The following ADK variants were observed in gnomAD, a reference collection of about 807,000 sequenced individuals.
The protein encoded by ADK is N6,N6-dimethyladenosine kinase.
ADK carries 24 observed loss-of-function variants against 44.7 expected under a neutral mutation model. The ratio of observed to expected loss-of-function variants is 0.54; its 90% confidence interval spans 0.39 to 0.76. ADK has a LOEUF of 0.76. Ranked by LOEUF, ADK falls within the 30% of genes least tolerant of loss-of-function variation. The pLI, the probability that ADK is intolerant of heterozygous loss-of-function variation, is 0.00. For missense variants in ADK, 321 were observed against 425.1 expected (o/e 0.76, Z 2.15); for synonymous variants, 128 against 142.6 (o/e 0.90, Z 0.73).
intron 6 of ADK, among the ~76,000 whole-genome samples, chr10:74,483,462 T>G (rs1847147228): frequency 6.6e-6 from 1 of 152,232 alleles, no homozygotes; most frequent in African/African-American, 2.4e-5. Context: ...CCCCACTGTC[T>G]CGGCTATTAA....
rs186620742 is a variant in ADK, at chr10:74,558,070, C to G, written c.727-31212C>G. On this transcript the variant is annotated intron_variant, in intron 7 of 10. Transcript: ENST00000539909. The stretch of plus-strand genomic sequence containing the variant: ...ACCAGTTTAGGAAATTGATAGCCCA[C>G]AGGTGTGACTCTCTCCAGGCCCCTC... Among the ~76,000 whole-genome samples the G allele has an allele frequency of 8.5e-5, 13 of 152,208 alleles. No individual in the cohort carries two copies. The East Asian group carries it at 2.5e-3, about 29-fold the overall frequency.
intron 7 of ADK, among the ~76,000 whole-genome samples, chr10:74,545,340 T>C (rs1849787261): frequency 6.6e-6 from 1 of 152,180 alleles, no homozygotes; most frequent in African/African-American, 2.4e-5. Flanking sequence ...CAGGTCAGGC[T>C]TAGGGGTCCC....
intron 7 of ADK, among the ~76,000 whole-genome samples, chr10:74,542,467 AAC>A (rs1345827762): frequency 6.6e-6 from 1 of 152,166 alleles, no homozygotes; most frequent in Non-Finnish European, 1.5e-5. Context: ...ATATTGTCAA[AAC>A]ACAGGCTTTT....
intron 9 of ADK, among the ~76,000 whole-genome samples, chr10:74,614,200 C>A (rs1315760766): frequency 2.0e-5 from 3 of 152,062 alleles, no homozygotes. Flanking sequence ...AGAAATGAGA[C>A]TTCTTTCAAC....
chr10:74,196,154 T>C (rs182171062), intron 1 of ADK, among the ~76,000 whole-genome samples: 497 of 152,204 alleles, frequency 3.3e-3, no homozygotes, highest in Non-Finnish European at 3.9e-3. Flanking sequence ...CCACAACTTC[T>C]GCAACCAGTT....
At chr10:74,176,629 G>A (rs1004082929) in intron 1 of ADK, 14 of 1,397,384 alleles carry the variant, frequency 1.0e-5, no homozygotes, top group African/African-American at 6.0e-5. Flanking sequence ...CACGAGACAC[G>A]CGGTGGCCCA....
intron 4 of ADK, chr10:74,372,453 A>C: frequency 2.1e-6 from 1 of 487,374 alleles, no homozygotes; most frequent in Non-Finnish European, 3.7e-6. Flanking sequence ...ACATGGAAAT[A>C]AGGTTGACGG....
At chr10:74,431,562 G>A (rs1360397333) in intron 6 of ADK, among the ~76,000 whole-genome samples, 1 of 152,104 alleles carries the variant, frequency 6.6e-6, no homozygotes, top group Non-Finnish European at 1.5e-5. Context: ...CCAACATGGT[G>A]AAATCTTATC....
chr10:74,250,710 CTT>C (rs1271242991), intron 3 of ADK, among the ~76,000 whole-genome samples: 1 of 152,000 alleles, frequency 6.6e-6, no homozygotes, highest in Non-Finnish European at 1.5e-5. Context: ...ATGAGGGTCT[CTT>C]ATAGGGTAGT....
At chr10:74,295,470 A>G (rs2132495316) in intron 3 of ADK, among the ~76,000 whole-genome samples, 1 of 152,174 alleles carries the variant, frequency 6.6e-6, no homozygotes, top group African/African-American at 2.4e-5. Context: ...CTCAAAAAAA[A>G]AAAAAATTTT....
intron 3 of ADK, among the ~76,000 whole-genome samples, chr10:74,311,024 T>A (rs1374243191): frequency 6.6e-6 from 1 of 152,170 alleles, no homozygotes; most frequent in East Asian, 1.9e-4. Flanking sequence ...GAAGTTGATT[T>A]TTCATTACAA....
chr10:74,438,234 T>C (rs1343550859), intron 6 of ADK, among the ~76,000 whole-genome samples: 6 of 147,430 alleles, frequency 4.1e-5, no homozygotes, highest in African/African-American at 7.4e-5. Flanking sequence ...CTCTCTCTCT[T>C]TTTTTTTTTT....
At chr10:74,471,069 C>T (rs1169762844) in intron 6 of ADK, among the ~76,000 whole-genome samples, 1 of 106,638 alleles carries the variant, frequency 9.4e-6, no homozygotes, top group Non-Finnish European at 2.1e-5. Flanking sequence ...CAGTACTATA[C>T]TTTTTCTTTT....
At chr10:74,578,296 AT>A (rs1851265101) in intron 7 of ADK, among the ~76,000 whole-genome samples, 1 of 152,048 alleles carries the variant, frequency 6.6e-6, no homozygotes, top group Admixed American at 6.5e-5. Flanking sequence ...AAAATTGATT[AT>A]TTATCTTGTC....
At chr10:74,297,715 T>C (rs997048445) in intron 3 of ADK, among the ~76,000 whole-genome samples, 1 of 152,212 alleles carries the variant, frequency 6.6e-6, no homozygotes, top group Admixed American at 6.5e-5. Context: ...GAAGAAAGCA[T>C]ATTTTATGAC....
At chr10:74,393,020 A>G (rs1384970427) in intron 4 of ADK, among the ~76,000 whole-genome samples, 1 of 152,086 alleles carries the variant, frequency 6.6e-6, no homozygotes, top group African/African-American at 2.4e-5. Flanking sequence ...ACATCTCAAT[A>G]CTTATATATG....
chr10:74,156,103 C>A (rs1346747863), intron 1 of ADK, among the ~76,000 whole-genome samples: 2 of 151,998 alleles, frequency 1.3e-5, no homozygotes, highest in African/African-American at 4.8e-5. Context: ...GTAGAGAGAG[C>A]CAGAGGAAAG....
intron 6 of ADK, among the ~76,000 whole-genome samples, chr10:74,484,731 C>A (rs1480251506): frequency 6.6e-6 from 1 of 152,156 alleles, no homozygotes; most frequent in Non-Finnish European, 1.5e-5. Context: ...GCTATTAGGA[C>A]AGTGGTAGAC....
At chr10:74,207,514 G>A (rs889571933) in intron 2 of ADK, among the ~76,000 whole-genome samples, 9 of 152,188 alleles carry the variant, frequency 5.9e-5, no homozygotes, top group Non-Finnish European at 5.9e-5. Flanking sequence ...ACAGCTCTCA[G>A]GAGACCCGAA....
Sources: gnomAD v4.1 joint callset for allele counts (sites outside exome capture counted in the v4.1 genomes callset) on GRCh38, gnomAD v4.1.1 for gene constraint, MANE v1.5 for transcripts, NCBI Gene and HGNC (gene_info 2026-07-23, HGNC 2026-07-21) for gene names.